ELP1: variants seen among roughly 807,000 people sequenced by gnomAD.
ELP1 encodes elongator complex protein 1.
ELP1 carries 131 observed loss-of-function variants against 183.2 expected under a neutral mutation model. The observed-to-expected ratio is 0.72, with a 90% CI of 0.62 to 0.83. ELP1 has a LOEUF of 0.83. ELP1 is among the 40% of genes least tolerant of loss of function. The pLI is 0.00. For missense variants in ELP1, 1,550 were observed against 1,594.9 expected (o/e 0.97, Z 0.48); for synonymous variants, 555 against 569.0 (o/e 0.98, Z 0.35).
In ELP1 at chr9:108,892,957, G is replaced by A. The variant is rs141550637; in HGVS notation, c.2958+29C>T. ...CCTACTAAAGCAAAAAGCAAAACCAGGAGAGCCTCATTTTCACATACCACA... is the reference window on the plus strand; with the variant it reads ...CCTACTAAAGCAAAAAGCAAAACCAAGAGAGCCTCATTTTCACATACCACA... On this transcript the variant is annotated intron_variant, in intron 27 of 36. Coordinates refer to ENST00000374647, the MANE Select transcript of ELP1 (RefSeq NM_003640.5). 4.7e-4 allele frequency: 717 copies of A among 1,534,954 alleles called. 6 individuals carry two copies. The East Asian group carries it at 8.9e-3, about 19-fold the overall frequency.
intron 14 of ELP1, among the ~76,000 whole-genome samples, chr9:108,904,353 T>C (rs1587900267): frequency 6.6e-6 from 1 of 151,048 alleles, no homozygotes; most frequent in Admixed American, 6.6e-5. Flanking sequence ...CAAGTGATCC[T>C]CCCACCTCAC....
rs764867856 is a variant in ELP1, at chr9:108,891,219, G to A, written c.3144C>T (p.Leu1048=). 17 of 1,613,974 alleles carry A rather than the reference G, an allele frequency of 1.1e-5. No individual in the cohort carries two copies. The highest frequency in any genetic ancestry group is 6.6e-5 in the South Asian group (6 of 91,072). ...TGTACTTACCTGCCAGAGTTCTGCCGAGGCCCACCAGCTGGTCTTTGGTAA... is the reference window on the plus strand; with the variant it reads ...TGTACTTACCTGCCAGAGTTCTGCCAAGGCCCACCAGCTGGTCTTTGGTAA... ...LNFTKDQLVG[L]GRTLAGKLVE... Residue 1048 remains leucine, a synonymous_variant, in exon 28 of 37, where the codon CTC becomes CTT. Transcript: ENST00000374647.
chr9:108,887,120 G>A (rs1240180335), intron 29 of ELP1, among the ~76,000 whole-genome samples: 3 of 152,020 alleles, frequency 2.0e-5, no homozygotes. Flanking sequence ...GAGGTGGGAG[G>A]ATCGCTTGAG....
chr9:108,872,570 C>T (rs900091562), intron 36 of ELP1, among the ~76,000 whole-genome samples: 4 of 151,662 alleles, frequency 2.6e-5, no homozygotes, highest in Non-Finnish European at 4.4e-5. Flanking sequence ...TTTGGGAGGC[C>T]GAGGCGGGTG....
At chr9:108,915,991 ATATG>A (rs1172656260) in intron 10 of ELP1, among the ~76,000 whole-genome samples, 11 of 152,054 alleles carry the variant, frequency 7.2e-5, no homozygotes, top group Admixed American at 1.3e-4. Flanking sequence ...CGAATTATAT[ATATG>A]TATTATTTGT....
At chr9:108,911,751 C>A (rs888621530) in intron 11 of ELP1, among the ~76,000 whole-genome samples, 1 of 152,050 alleles carries the variant, frequency 6.6e-6, no homozygotes. Flanking sequence ...GCCCTTCCCA[C>A]CCCACCCCCT....
At chr9:108,918,987 T>C in intron 7 of ELP1, 86 bp from the exon 8 acceptor site, 2 of 1,018,296 alleles carry the variant, frequency 2.0e-6, no homozygotes, top group South Asian at 2.6e-5. Flanking sequence ...AACACCTTCC[T>C]TACAAATAAA....
intron 31 of ELP1, among the ~76,000 whole-genome samples, chr9:108,881,184 C>T (rs1473147344): frequency 2.0e-5 from 3 of 152,190 alleles, no homozygotes; most frequent in Admixed American, 2.0e-4. Context: ...TCAATGAACA[C>T]ACATATACCC....
At chr9:108,893,785 G>C (rs145352173) in intron 26 of ELP1, among the ~76,000 whole-genome samples, 158 bp downstream of exon 26, 2 of 152,196 alleles carry the variant, frequency 1.3e-5, no homozygotes, top group African/African-American at 2.4e-5. Context: ...CAGCTTTTCA[G>C]AACACAGGAC....
intron 29 of ELP1, among the ~76,000 whole-genome samples, chr9:108,884,128 C>A (rs1368069487): frequency 6.6e-6 from 1 of 151,982 alleles, no homozygotes; most frequent in Non-Finnish European, 1.5e-5. Context: ...CAAGAGAAAG[C>A]TGGAAGAATT....
intron 16 of ELP1, 131 bp from the exon 17 acceptor site, chr9:108,901,812 A>G: frequency 1.1e-6 from 1 of 879,166 alleles, no homozygotes; most frequent in East Asian, 2.6e-5. Context: ...AAAGATAGAT[A>G]CCTAAGACGT....
In ELP1 at chr9:108,918,854, T is replaced by C. The variant is rs1356812138; in HGVS notation, c.697A>G (p.Thr233Ala). ...VWNREFALQS[T>A]SEPVAGLGPA... ...CCCAGTCCTGCCACAGGCTCACTGG[T>C]TGACTGCAAAGCAAACTCTCGGTTC... Residue 233 changes from threonine to alanine, a missense_variant, in exon 8 of 37, where the codon ACC (threonine) becomes GCC (alanine). By Grantham distance (58) the Thr-to-Ala change is moderately conservative. Transcript: ENST00000374647. The C allele has an allele frequency of 3.7e-6, 6 of 1,614,172 alleles. No individual in the cohort carries two copies. The highest frequency in any genetic ancestry group is 4.2e-6 in the Non-Finnish European group (5 of 1,180,030).
Position 108,903,651 on chromosome 9 carries a change from A to G in ELP1, c.1662T>C (p.Asp554=). ...TGCAACATAGACTGATTATGACCCC[A>G]TCCACCGCTGCAGATGAACTGACAA... is the stretch of plus-strand genomic sequence containing the variant. ...QLNVSSSAAV[D]GVIISLCCNS... Residue 554 remains aspartate (D), a synonymous_variant, in exon 15 of 37, where the codon GAT becomes GAC. Transcript: ENST00000374647. The G allele has an allele frequency of 6.2e-7, 1 of 1,613,772 alleles. No individual in the cohort carries two copies. Among genetic ancestry groups the G allele is most frequent in the Non-Finnish European group, 8.5e-7 (1 of 1,179,748 alleles).
rs1207801834 is a variant in ELP1, at chr9:108,897,300, G to A, written c.2364-15C>T. On this transcript the variant is annotated splice_polypyrimidine_tract_variant and intron_variant, in intron 22 of 36. Transcript: ENST00000374647. The stretch of plus-strand genomic sequence containing the variant: ...CATCTTCTTCTCTAAGAACAGGTGT[G>A]TATGGAATGGTCATCAACAGAACAT... 1.9e-6 allele frequency: 3 copies of A among 1,613,670 alleles called. No homozygotes were observed. The highest frequency in any genetic ancestry group is 2.5e-6 in the Non-Finnish European group (3 of 1,179,972).
intron 5 of ELP1, among the ~76,000 whole-genome samples, chr9:108,923,634 T>C (rs757492950): frequency 2.0e-5 from 3 of 152,198 alleles, no homozygotes; most frequent in Admixed American, 6.5e-5. Flanking sequence ...TCACTGGTGA[T>C]AGAGGGGCTG....
Position 108,901,384 on chromosome 9 carries a change from T to C in ELP1, c.2014+41A>G, listed in dbSNP as rs1468862203. 5.7e-6 allele frequency: 8 copies of C among 1,392,850 alleles called. No individual in the cohort carries two copies. In the Admixed American group the frequency reaches 1.2e-4, roughly 21 times the overall value. The allele number at this position is 1,392,850 out of a possible 1,614,324, so 86.3% of individuals were successfully genotyped here. The stretch of plus-strand genomic sequence containing the variant: ...AAGTCATCAAGACTCCAAAAGACAT[T>C]GGAGAAGGGACCATTTCTGTTTTAT... On this transcript the variant is annotated intron_variant, in intron 18 of 36. Transcript: ENST00000374647.
At chr9:108,888,837 C>T (rs1274942714) in intron 29 of ELP1, among the ~76,000 whole-genome samples, 1 of 152,190 alleles carries the variant, frequency 6.6e-6, no homozygotes, top group Non-Finnish European at 1.5e-5. Flanking sequence ...GCCAGTGTTA[C>T]TGCAGTTTTA....
rs4978760 is a variant in ELP1, at chr9:108,898,870, G to A, written c.2205-121C>T. 410,471 of 698,820 alleles carry A rather than the reference G, an allele frequency of 0.59. 124,424 individuals carry two copies. Among genetic ancestry groups the A allele is most frequent in the African/African-American group, 0.9 (50,540 of 56,460 alleles). 43.3% of individuals were successfully genotyped at this position (698,820 alleles called of 1,614,324 possible). ...CAGATTACAGCCCCAATGCCAAGCT[G>A]CTATCACTGGATTTCTACTCTGAAA... On this transcript the variant is annotated intron_variant, in intron 20 of 36. Coordinates refer to ENST00000374647, the MANE Select transcript of ELP1 (RefSeq NM_003640.5).
At position 108,891,416 on chromosome 9, in the gene ELP1, G is replaced by A; in HGVS notation, c.2959-12C>T. 1 of 1,611,018 alleles carries A rather than the reference G, an allele frequency of 6.2e-7. No homozygotes were observed. Among genetic ancestry groups the A allele is most frequent in the Non-Finnish European group, 8.5e-7 (1 of 1,178,324 alleles). ...GCAATGCTGATATCCTGTGACAAGA[G>A]GAGATTTAGGACTGAGGAGGAAATA... On this transcript the variant is annotated splice_polypyrimidine_tract_variant and intron_variant, in intron 27 of 36. Transcript: ENST00000374647.
Sources: gnomAD v4.1 joint callset for allele counts (sites outside exome capture counted in the v4.1 genomes callset) on GRCh38, gnomAD v4.1.1 for gene constraint, MANE v1.5 for transcripts, NCBI Gene and HGNC (gene_info 2026-07-23, HGNC 2026-07-21) for gene names.